The following GLUD1 variants were observed in gnomAD, a reference collection of about 807,000 sequenced individuals.
GLUD1 encodes the protein glutamate dehydrogenase 1, also known as glutamate dehydrogenase 1, mitochondrial.
Under a neutral mutation model 56.0 loss-of-function variants are expected in GLUD1, and 22 were observed. That is an observed-to-expected ratio of 0.39 (90% CI 0.28 to 0.56). GLUD1 has a LOEUF of 0.56. Among genes scored for constraint, GLUD1 ranks in the 20% least tolerant of loss-of-function variants. The probability of loss-of-function intolerance (pLI) is 0.58; values close to 1 mark genes in which losing one functional copy is unlikely to be tolerated. For synonymous variants in GLUD1, 223 were observed against 269.9 expected (o/e 0.83, Z 1.70); for missense variants, 451 against 732.0 (o/e 0.62, Z 4.43).
intron 1 of GLUD1, among the ~76,000 whole-genome samples, chr10:87,077,603 G>T (rs1846434994): frequency 6.6e-6 from 1 of 150,514 alleles, no homozygotes; most frequent in African/African-American, 2.4e-5. Flanking sequence ...TTGGTACAGG[G>T]TATACTGGAA....
chr10:87,085,978 A>G (rs555936434), intron 1 of GLUD1, among the ~76,000 whole-genome samples: 1 of 152,344 alleles, frequency 6.6e-6, no homozygotes, highest in East Asian at 1.9e-4. Context: ...ATAAAGTTGG[A>G]TTTAGTAAAA....
At chr10:87,093,186 A>G (rs779207403) in intron 1 of GLUD1, among the ~76,000 whole-genome samples, 26 of 152,242 alleles carry the variant, frequency 1.7e-4, no homozygotes, top group Non-Finnish European at 3.7e-4. Flanking sequence ...AAAAATCCTC[A>G]TAAGTCAGCG....
intron 5 of GLUD1, among the ~76,000 whole-genome samples, chr10:87,064,624 CAG>C (rs1250217057): frequency 1.3e-5 from 2 of 152,028 alleles, no homozygotes; most frequent in African/African-American, 4.8e-5. Context: ...TATTTTTACA[CAG>C]AGAACTTAGA....
chr10:87,062,703 T>C lies in GLUD1; in HGVS notation c.874A>G (p.Ile292Val). Residue 292 changes from isoleucine (I) to valine (V), a missense_variant, in exon 6 of 13, where the codon ATT becomes GTT. This residue lies in a region of GLUD1 where 248 missense variants were observed against 460.0 expected (regional missense o/e 0.54). Transcript: ENST00000277865. ...NFINEASYMS[I>V]LGMTPGFGDK... ...CCAAACCCTGGTGTCATTCCTAAAATGCTCATGTAAGAAGCTTCATTGATG... is the reference window on the plus strand; with the variant it reads ...CCAAACCCTGGTGTCATTCCTAAAACGCTCATGTAAGAAGCTTCATTGATG... The C allele has an allele frequency of 6.2e-7, 1 of 1,614,172 alleles. No individual in the cohort carries two copies. Among genetic ancestry groups the C allele is most frequent in the Non-Finnish European group, 8.5e-7 (1 of 1,179,992 alleles).
intron 5 of GLUD1, 148 bp downstream of exon 5, chr10:87,067,915 C>G: frequency 1.5e-6 from 1 of 662,736 alleles, no homozygotes; most frequent in South Asian, 1.5e-5. Context: ...TAAGAATAGA[C>G]AAGTAGACAT....
Position 87,094,196 on chromosome 10 carries a change from C to G in GLUD1, c.445+129G>C. 1 of 1,390,086 alleles carries G rather than the reference C, an allele frequency of 7.2e-7. No individual in the cohort carries two copies. Among genetic ancestry groups the G allele is most frequent in the Middle Eastern group, 2.6e-4 (1 of 3,862 alleles). The allele number at this position is 1,390,086 out of a possible 1,614,324, so 86.1% of individuals were successfully genotyped here. A position where few individuals can be genotyped will look rare whatever the true frequency, so the allele number is the denominator to read the frequency against. On this transcript the variant is annotated intron_variant, in intron 1 of 12. Transcript: ENST00000277865. The surrounding 1 kb of genome is among the most constrained non-coding windows in gnomAD (Gnocchi z 6.6). ...CGGCCACATCCGAGGCGGGGTGACC[C>G]GGGCGGGGACCCGGCCCGCTCCAGC... is the stretch of plus-strand genomic sequence containing the variant.
At chr10:87,073,191 A>G (rs1291838763) in intron 4 of GLUD1, among the ~76,000 whole-genome samples, 1 of 152,100 alleles carries the variant, frequency 6.6e-6, no homozygotes, top group Non-Finnish European at 1.5e-5. Context: ...TTTGTTGCTC[A>G]GGCCAGAGTG....
chr10:87,089,503 T>C (rs554731723), intron 1 of GLUD1: 433 of 501,898 alleles, frequency 8.6e-4, no homozygotes, highest in Non-Finnish European at 1.0e-3. Flanking sequence ...GAAAAGTTCT[T>C]AATAAAATGC....
rs1251959125 is a variant in GLUD1 at position 87,094,208 on chromosome 10, C to T, written c.445+117G>A. ...AGGCGGGGTGACCCGGGCGGGGACC[C>T]GGCCCGCTCCAGCTGGGCTGGGCTG... On this transcript the variant is annotated intron_variant, in intron 1 of 12. Transcript: ENST00000277865. The surrounding 1 kb of genome is among the most constrained non-coding windows in gnomAD (Gnocchi z 6.6). 3 of 1,409,068 alleles carry T rather than the reference C, an allele frequency of 2.1e-6. No homozygotes were observed. Among genetic ancestry groups the T allele is most frequent in the Non-Finnish European group, 2.8e-6 (3 of 1,059,622 alleles). 87.3% of individuals were successfully genotyped at this position (1,409,068 alleles called of 1,614,324 possible). A position where few individuals can be genotyped will look rare whatever the true frequency, so the allele number is the denominator to read the frequency against.
chr10:87,077,673 G>A (rs1846437159), intron 1 of GLUD1, among the ~76,000 whole-genome samples: 1 of 151,720 alleles, frequency 6.6e-6, no homozygotes, highest in Admixed American at 6.6e-5. Context: ...CAAAGTTTTG[G>A]AGTGCTAATC....
chr10:87,056,780 T>C (rs1845787384), intron 11 of GLUD1, among the ~76,000 whole-genome samples: 1 of 152,170 alleles, frequency 6.6e-6, no homozygotes, highest in African/African-American at 2.4e-5. Flanking sequence ...TACAACTGTT[T>C]CACCACATAT....
chr10:87,061,759 G>A (rs1277141169), intron 6 of GLUD1, among the ~76,000 whole-genome samples: 1 of 151,676 alleles, frequency 6.6e-6, no homozygotes, highest in Non-Finnish European at 1.5e-5. Flanking sequence ...TGGGATTACA[G>A]GTGCCGCCAT....
At chr10:87,055,659 G>A (rs752014170) in intron 11 of GLUD1, among the ~76,000 whole-genome samples, 1 of 152,132 alleles carries the variant, frequency 6.6e-6, no homozygotes, top group Non-Finnish European at 1.5e-5. Flanking sequence ...AAAAGGACCA[G>A]AACAAAGACA....
chr10:87,080,328 T>C (rs1480240373), intron 1 of GLUD1, among the ~76,000 whole-genome samples: 1 of 151,966 alleles, frequency 6.6e-6, no homozygotes, highest in Non-Finnish European at 1.5e-5. Flanking sequence ...CCTCCCAAAG[T>C]GCCCAGAGTG....
At chr10:87,061,619 ATT>A (rs879261811) in intron 6 of GLUD1, among the ~76,000 whole-genome samples, 3 of 142,558 alleles carry the variant, frequency 2.1e-5, no homozygotes, top group African/African-American at 5.1e-5. Context: ...GAGAAATACA[ATT>A]TTTTTTTTTT....
intron 12 of GLUD1, 80 bp from the exon 13 acceptor site, chr10:87,051,950 C>T (rs1845642006): frequency 2.0e-6 from 3 of 1,530,584 alleles, no homozygotes; most frequent in Non-Finnish European, 2.7e-6. Flanking sequence ...CCAGACAGGC[C>T]TGGTCCAAGT....
chr10:87,065,198 C>A (rs558474297), intron 5 of GLUD1, among the ~76,000 whole-genome samples: 75 of 139,974 alleles, frequency 5.4e-4, no homozygotes, highest in African/African-American at 2.0e-3. Flanking sequence ...GAGGCTGAGG[C>A]AGGAGAATTG....
At chr10:87,072,243 G>A (rs1019808529) in intron 4 of GLUD1, among the ~76,000 whole-genome samples, 1 of 152,172 alleles carries the variant, frequency 6.6e-6, no homozygotes, top group Non-Finnish European at 1.5e-5. Context: ...TCCAGCCTGG[G>A]TGAAAGGACA....
At chr10:87,093,358 C>T (rs961723887) in intron 1 of GLUD1, among the ~76,000 whole-genome samples, 1 of 152,156 alleles carries the variant, frequency 6.6e-6, no homozygotes, top group Non-Finnish European at 1.5e-5. Flanking sequence ...AGTGGTTTGT[C>T]CTTTCCATTT....
Sources: allele counts gnomAD v4.1 joint callset (sites outside exome capture counted in the v4.1 genomes callset), GRCh38; gene constraint gnomAD v4.1.1; regional missense constraint gnomAD v4.1.1; non-coding constraint Gnocchi (gnomAD v3.1); transcripts MANE v1.5; gene names NCBI Gene and HGNC (gene_info 2026-07-23, HGNC 2026-07-21).